NOX4: variants seen among roughly 807,000 people sequenced by gnomAD.
The protein encoded by NOX4 is kidney oxidase-1.
NOX4 carries 69 observed loss-of-function variants against 87.6 expected under a neutral mutation model. The observed-to-expected ratio is 0.79, with a 90% confidence interval of 0.65 to 0.96. The LOEUF is 0.96. NOX4 is among the 40% of genes least tolerant of loss of function. The pLI, the probability that NOX4 is intolerant of heterozygous loss-of-function variation, is 0.00. For synonymous variants in NOX4, 275 were observed against 238.2 expected, an observed-to-expected ratio of 1.15 and a Z score of -1.42; for missense variants, 680 against 681.5, an observed-to-expected ratio of 1.00 and a Z score of 0.02.
intron 13 of NOX4, among the ~76,000 whole-genome samples, chr11:89,353,467 T>C (rs1177236386): frequency 6.6e-6 from 1 of 152,156 alleles, no homozygotes; most frequent in Non-Finnish European, 1.5e-5. Flanking sequence ...TTTTTAACAA[T>C]AAAGTATATT....
At chr11:89,530,023 C>A in the NOX4 span, among the ~76,000 whole-genome samples, 1 of 152,000 alleles carries the variant, frequency 6.6e-6, no homozygotes, top group Admixed American at 6.6e-5. Context: ...TGTGTCCTAG[C>A]TACCTTACAT....
At chr11:89,514,197 T>C in the NOX4 span, among the ~76,000 whole-genome samples, 1 of 152,030 alleles carries the variant, frequency 6.6e-6, no homozygotes, top group African/African-American at 2.4e-5. Context: ...TTATGTAGTT[T>C]TAGCTCATGA....
intron 13 of NOX4, among the ~76,000 whole-genome samples, chr11:89,345,081 A>C (rs1284809333): frequency 6.6e-6 from 1 of 152,178 alleles, no homozygotes. Context: ...AAAAGGAATG[A>C]GTTTAAAAAG....
chr11:89,385,460 C>G (rs960235487), intron 11 of NOX4, among the ~76,000 whole-genome samples: 1 of 152,186 alleles, frequency 6.6e-6, no homozygotes, highest in Non-Finnish European at 1.5e-5. Flanking sequence ...AAACTTCCAA[C>G]TATCAATCTC....
chr11:89,525,345 T>A, the NOX4 span, among the ~76,000 whole-genome samples: 12 of 152,052 alleles, frequency 7.9e-5, no homozygotes, highest in Non-Finnish European at 1.5e-4. Context: ...GAGTAGTGAA[T>A]AAGAGTTCCA....
At chr11:89,480,637 G>A (rs1398032398) in intron 2 of NOX4, among the ~76,000 whole-genome samples, 1 of 152,046 alleles carries the variant, frequency 6.6e-6, no homozygotes, top group Non-Finnish European at 1.5e-5. Flanking sequence ...TGCGCAAATT[G>A]CTTACAAATT....
At chr11:89,364,710 C>G (rs1180251274) in intron 12 of NOX4, among the ~76,000 whole-genome samples, 1 of 152,064 alleles carries the variant, frequency 6.6e-6, no homozygotes, top group African/African-American at 2.4e-5. Flanking sequence ...GTAATATTTT[C>G]TGAACTATAC....
Position 89,417,096 on chromosome 11 carries a change from C to T in NOX4, c.629+4806G>A, listed in dbSNP as rs367635549. ...CAATCACCACCCACACAGCACTCTCCAAGCTAAAGCCAGTGGGAGTGTTGA... is the reference window on the plus strand; with the variant it reads ...CAATCACCACCCACACAGCACTCTCTAAGCTAAAGCCAGTGGGAGTGTTGA... On this transcript the variant is annotated intron_variant, in intron 8 of 17. Coordinates refer to ENST00000263317, the MANE Select transcript of NOX4 (RefSeq NM_016931.5). 3.1e-4 allele frequency among the ~76,000 whole-genome samples: 47 copies of T among 152,242 alleles called. 1 individual carries two copies. Among genetic ancestry groups the T allele is most frequent in the African/African-American group, 1.0e-3 (42 of 41,552 alleles).
intron 2 of NOX4, among the ~76,000 whole-genome samples, chr11:89,475,633 G>C (rs546355284): frequency 6.6e-6 from 1 of 152,186 alleles, no homozygotes; most frequent in Non-Finnish European, 1.5e-5. Flanking sequence ...GGCTTCAACA[G>C]AATAGGTTAG....
At chr11:89,477,733 TG>T (rs1046735429) in intron 2 of NOX4, among the ~76,000 whole-genome samples, 7 of 151,752 alleles carry the variant, frequency 4.6e-5, no homozygotes, top group Non-Finnish European at 8.8e-5. Context: ...TCCTATAAAA[TG>T]GGTCTTTTTC....
At chr11:89,575,470 A>T in the NOX4 span, among the ~76,000 whole-genome samples, 1 of 152,202 alleles carries the variant, frequency 6.6e-6, no homozygotes, top group Non-Finnish European at 1.5e-5. Context: ...AAATTGAGTA[A>T]AATAATCTGA....
rs1298491672 is a variant in NOX4, at chr11:89,325,445, T to C, written c.*1311A>G. 1 of 152,126 alleles carries C rather than the reference T, an allele frequency of 6.6e-6. No homozygotes were observed. The highest frequency in any genetic ancestry group is 1.5e-5 in the Non-Finnish European group (1 of 68,032). 9.4% of individuals were successfully genotyped at this position (152,126 alleles called of 1,614,324 possible). A position where few individuals can be genotyped will look rare whatever the true frequency, so the allele number is the denominator to read the frequency against. On this transcript the variant is annotated 3_prime_UTR_variant, in exon 18 of 18. Coordinates refer to ENST00000263317, the MANE Select transcript of NOX4 (RefSeq NM_016931.5). The stretch of plus-strand genomic sequence containing the variant: ...ATTCTTAAGATAGTAATGGGAAATA[T>C]TGTTCTGAGCCAAGAATATGATAGC...
chr11:89,359,307 C>T (rs1236959147), intron 12 of NOX4, among the ~76,000 whole-genome samples: 3 of 151,668 alleles, frequency 2.0e-5, no homozygotes, highest in South Asian at 2.1e-4. Context: ...AATGACCAAT[C>T]TCTAATCCAC....
At chr11:89,432,712 A>G (rs1014561766) in intron 7 of NOX4, 72 bp downstream of exon 7, 5 of 1,106,460 alleles carry the variant, frequency 4.5e-6, no homozygotes, top group Admixed American at 1.8e-5. Flanking sequence ...ATGGTTAAAC[A>G]TTTTGATTAC....
the NOX4 span, among the ~76,000 whole-genome samples, chr11:89,508,153 T>G: frequency 6.6e-6 from 1 of 152,108 alleles, no homozygotes; most frequent in Non-Finnish European, 1.5e-5. Context: ...CTGTTAGCTA[T>G]GAGAATCTTA....
chr11:89,452,028 G>A, intron 2 of NOX4, 133 bp from the exon 3 acceptor site: 1 of 599,752 alleles, frequency 1.7e-6, no homozygotes, highest in East Asian at 2.8e-5. Flanking sequence ...CAAAAGCCTT[G>A]AATAGTCTTC....
At chr11:89,351,323 G>C (rs1303662079) in intron 13 of NOX4, among the ~76,000 whole-genome samples, 2 of 152,184 alleles carry the variant, frequency 1.3e-5, no homozygotes, top group Non-Finnish European at 2.9e-5. Context: ...GGTTCATGAG[G>C]TTTAAGAAAA....
chr11:89,559,830 G>A, the NOX4 span, among the ~76,000 whole-genome samples: 3 of 152,106 alleles, frequency 2.0e-5, no homozygotes, highest in Non-Finnish European at 4.4e-5. Context: ...GGGCAGAAAA[G>A]TAATGCAGAC....
chr11:89,465,442 CAT>C (rs1945640679), intron 2 of NOX4, among the ~76,000 whole-genome samples: 1 of 152,174 alleles, frequency 6.6e-6, no homozygotes, highest in Non-Finnish European at 1.5e-5. Flanking sequence ...CTGCAATAAA[CAT>C]ACATGTGCAT....
Sources: gnomAD v4.1 joint callset for allele counts (sites outside exome capture counted in the v4.1 genomes callset) on GRCh38, gnomAD v4.1.1 for gene constraint, MANE v1.5 for transcripts, NCBI Gene and HGNC (gene_info 2026-07-23, HGNC 2026-07-21) for gene names.